MYO3B: variants seen among roughly 807,000 people sequenced by gnomAD.
MYO3B encodes the protein myosin-IIIb.
Under a neutral mutation model 174.6 loss-of-function variants are expected in MYO3B, and 156 were observed. The ratio of observed to expected loss-of-function variants is 0.89; its 90% CI spans 0.78 to 1.02. The LOEUF is 1.02. Among genes scored for constraint, MYO3B ranks in the 50% least tolerant of loss-of-function variants. MYO3B has a pLI of 0.00. For missense variants in MYO3B, 1,632 were observed against 1,639.4 expected (o/e 1.00, Z 0.08); for synonymous variants, 563 against 569.1 (o/e 0.99, Z 0.15).
intron 32 of MYO3B, among the ~76,000 whole-genome samples, chr2:170,587,009 G>T (rs1381471466): frequency 6.6e-6 from 1 of 152,208 alleles, no homozygotes; most frequent in Admixed American, 6.5e-5. Flanking sequence ...TGAATATGTT[G>T]GTTTTCTCTC....
At chr2:170,287,062 TTC>T (rs1241917704) in intron 7 of MYO3B, among the ~76,000 whole-genome samples, 1 of 152,180 alleles carries the variant, frequency 6.6e-6, no homozygotes, top group Non-Finnish European at 1.5e-5. Context: ...CAGGATTTCA[TTC>T]TGTTTATGGC....
intron 7 of MYO3B, among the ~76,000 whole-genome samples, chr2:170,310,434 G>A (rs560053175): frequency 1.9e-4 from 29 of 152,124 alleles, no homozygotes; most frequent in Non-Finnish European, 3.7e-4. Context: ...AGACCGAGGC[G>A]GGCGGATCAC....
intron 32 of MYO3B, among the ~76,000 whole-genome samples, chr2:170,628,066 T>G (rs1696617625): frequency 6.6e-6 from 1 of 152,230 alleles, no homozygotes; most frequent in African/African-American, 2.4e-5. Flanking sequence ...CACTACTCTC[T>G]TCAAAGCTGT....
At chr2:170,552,216 G>A (rs1271298990) in intron 32 of MYO3B, among the ~76,000 whole-genome samples, 1 of 152,212 alleles carries the variant, frequency 6.6e-6, no homozygotes, top group Admixed American at 6.5e-5. Flanking sequence ...TGGGTAATGG[G>A]CAGAGGTAGG....
intron 8 of MYO3B, among the ~76,000 whole-genome samples, chr2:170,356,630 G>A (rs2094123627): frequency 6.6e-6 from 1 of 151,936 alleles, no homozygotes; most frequent in Admixed American, 6.6e-5. Flanking sequence ...CCAAAGTGCT[G>A]GGATTACAAG....
chr2:170,537,447 G>GTTTTTT (rs1559095079), intron 30 of MYO3B, among the ~76,000 whole-genome samples: 1 of 47,486 alleles, frequency 2.1e-5, no homozygotes, highest in African/African-American at 9.2e-5. Context: ...AGAGCTCTTT[G>GTTTTTT]ATTTTTTTTT....
At chr2:170,300,232 C>A (rs891407316) in intron 7 of MYO3B, among the ~76,000 whole-genome samples, 1 of 152,142 alleles carries the variant, frequency 6.6e-6, no homozygotes. Context: ...GGAAATAACA[C>A]ATGACATTTC....
At chr2:170,385,335 G>C (rs1220614458) in intron 12 of MYO3B, among the ~76,000 whole-genome samples, 1 of 152,164 alleles carries the variant, frequency 6.6e-6, no homozygotes, top group Non-Finnish European at 1.5e-5. Context: ...CTAATGACCA[G>C]TCTGAAGCTG....
intron 23 of MYO3B, among the ~76,000 whole-genome samples, chr2:170,461,317 A>C (rs1390673510): frequency 6.6e-6 from 1 of 151,382 alleles, no homozygotes; most frequent in Non-Finnish European, 1.5e-5. Flanking sequence ...TCTACTAAAA[A>C]CACAAAATTA....
At chr2:170,277,222 C>T (rs1160932417) in intron 7 of MYO3B, among the ~76,000 whole-genome samples, 3 of 152,166 alleles carry the variant, frequency 2.0e-5, no homozygotes, top group East Asian at 3.8e-4. Flanking sequence ...GGTTTGGGGG[C>T]TCACATAATC....
Position 170,376,601 on chromosome 2 carries a change from C to A in MYO3B, c.972-5415C>A, listed in dbSNP as rs1220751808. ...CTGCACCTTTTTCCTTATTCCCTCT[C>A]TCTATTTTTTTTTTTGCCTCTATCC... On this transcript the variant is annotated intron_variant, in intron 9 of 34. Transcript: ENST00000408978. Among the ~76,000 whole-genome samples the A allele has an allele frequency of 7.9e-4, 106 of 134,208 alleles. No individual in the cohort carries two copies. The Middle Eastern group carries it at 0.019, about 24-fold the overall frequency. The allele number at this position is 134,208 out of a possible 152,430, so 88.0% of individuals were successfully genotyped here. A position where few individuals can be genotyped will look rare whatever the true frequency, so the allele number is the denominator to read the frequency against.
intron 22 of MYO3B, among the ~76,000 whole-genome samples, chr2:170,408,072 A>G (rs1197403504): frequency 6.6e-6 from 1 of 152,270 alleles, no homozygotes; most frequent in African/African-American, 2.4e-5. Flanking sequence ...ATAAACATAC[A>G]TACACTATCC....
At chr2:170,288,053 G>C (rs942661580) in intron 7 of MYO3B, among the ~76,000 whole-genome samples, 1 of 151,856 alleles carries the variant, frequency 6.6e-6, no homozygotes, top group African/African-American at 2.4e-5. Flanking sequence ...TTTATATTTG[G>C]GTTCTCTATT....
chr2:170,504,567 C>T (rs1007481087), intron 28 of MYO3B, among the ~76,000 whole-genome samples: 67 of 152,212 alleles, frequency 4.4e-4, no homozygotes, highest in African/African-American at 1.5e-3. Context: ...CCTTTTTCAT[C>T]TGAAATGTAA....
chr2:170,509,265 G>A (rs1307126801), intron 28 of MYO3B, among the ~76,000 whole-genome samples: 1 of 152,186 alleles, frequency 6.6e-6, no homozygotes, highest in Non-Finnish European at 1.5e-5. Context: ...GCTGAGCAGG[G>A]AGGATTGCAT....
intron 23 of MYO3B, among the ~76,000 whole-genome samples, chr2:170,454,188 C>A (rs911000310): frequency 6.6e-6 from 1 of 152,162 alleles, no homozygotes; most frequent in Non-Finnish European, 1.5e-5. Context: ...GAGAAATCTC[C>A]CCAGAATCTT....
At position 170,478,522 on chromosome 2, in the gene MYO3B, TACACACACACACACACAC is replaced by T. The variant is rs60349340; in HGVS notation, c.3014+11833_3014+11850del. 6.8e-3 allele frequency among the ~76,000 whole-genome samples: 855 copies of T among 126,110 alleles called. 10 individuals are homozygous for T. The highest frequency in any genetic ancestry group is 0.025 in the African/African-American group (812 of 32,610). 82.7% of individuals were successfully genotyped at this position (126,110 alleles called of 152,430 possible). On this transcript the variant is annotated intron_variant, in intron 25 of 34. Coordinates refer to ENST00000408978, the MANE Select transcript of MYO3B (RefSeq NM_138995.5). ...GGAGAAGGTGTGTGGGGTGTTATTG[TACACACACACACACACAC>T]ACACACACACACACACACACAGGTT...
intron 8 of MYO3B, chr2:170,342,440 GTGCCGCC>G (rs2093983068): frequency 6.6e-6 from 1 of 152,240 alleles, no homozygotes; most frequent in Non-Finnish European, 1.5e-5. Flanking sequence ...TCTCCCCAGA[GTGCCGCC>G]TGGATCATCA....
intron 13 of MYO3B, among the ~76,000 whole-genome samples, chr2:170,386,858 A>G (rs960932370): frequency 6.6e-6 from 1 of 152,248 alleles, no homozygotes; most frequent in African/African-American, 2.4e-5. Flanking sequence ...TTATCTGTCA[A>G]GGATTTTAAA....
Sources: gnomAD v4.1 joint callset for allele counts (sites outside exome capture counted in the v4.1 genomes callset) on GRCh38, gnomAD v4.1.1 for gene constraint, MANE v1.5 for transcripts, NCBI Gene and HGNC (gene_info 2026-07-23, HGNC 2026-07-21) for gene names.